The following FRAS1 variants were observed in gnomAD, a reference collection of about 807,000 sequenced individuals.
The protein encoded by FRAS1 is extracellular matrix organizing protein FRAS1.
FRAS1 carries 290 observed loss-of-function variants against 435.2 expected under a neutral mutation model. The observed-to-expected ratio is 0.67, with a 90% CI of 0.61 to 0.73. The LOEUF (loss-of-function observed/expected upper bound fraction) is 0.73. Among genes scored for constraint, FRAS1 ranks in the 30% least tolerant of loss-of-function variants. The pLI is 0.00. For synonymous variants in FRAS1, 1,800 were observed against 1,851.0 expected, an observed-to-expected ratio of 0.97 and a Z score of 0.71; for missense variants, 4,860 against 5,001.5, an observed-to-expected ratio of 0.97 and a Z score of 0.85.
At chr4:78,173,704 T>G (rs905189225) in intron 2 of FRAS1, among the ~76,000 whole-genome samples, 4 of 152,214 alleles carry the variant, frequency 2.6e-5, no homozygotes, top group African/African-American at 9.6e-5. Context: ...TGCATAAAGT[T>G]GGGGTTGTGT....
intron 14 of FRAS1, among the ~76,000 whole-genome samples, chr4:78,300,481 CT>C (rs1452002820): frequency 6.6e-6 from 1 of 152,042 alleles, no homozygotes; most frequent in Non-Finnish European, 1.5e-5. Context: ...AATAAGGAAA[CT>C]TTCCTTTGTC....
chr4:78,392,788 T>C (rs548160652), intron 29 of FRAS1, among the ~76,000 whole-genome samples: 22 of 151,818 alleles, frequency 1.4e-4, no homozygotes, highest in African/African-American at 5.3e-4. Flanking sequence ...ATATACATCA[T>C]GTACAGAAAA....
chr4:78,494,290 T>G (rs1320255995), intron 59 of FRAS1, among the ~76,000 whole-genome samples: 1 of 152,186 alleles, frequency 6.6e-6, no homozygotes, highest in African/African-American at 2.4e-5. Flanking sequence ...TATGTCTTAG[T>G]CGATTTGCAT....
chr4:78,478,231 T>C (rs1271950010), intron 55 of FRAS1, among the ~76,000 whole-genome samples, 170 bp downstream of exon 55: 4 of 152,214 alleles, frequency 2.6e-5, no homozygotes, highest in Non-Finnish European at 5.9e-5. Context: ...CTATCCATAG[T>C]GACTACCATC....
intron 1 of FRAS1, among the ~76,000 whole-genome samples, chr4:78,065,095 C>CATACAT (rs1739959228): frequency 8.8e-6 from 1 of 113,634 alleles, no homozygotes; most frequent in Non-Finnish European, 1.8e-5. Flanking sequence ...CATACACACA[C>CATACAT]ACACACTAAA....
chr4:78,153,475 T>C (rs1233111249), intron 2 of FRAS1, among the ~76,000 whole-genome samples: 1 of 152,226 alleles, frequency 6.6e-6, no homozygotes, highest in Non-Finnish European at 1.5e-5. Context: ...ATTTGATGGA[T>C]TCAGCATTGT....
intron 60 of FRAS1, among the ~76,000 whole-genome samples, chr4:78,498,466 A>G (rs891294509): frequency 6.6e-6 from 1 of 150,964 alleles, no homozygotes; most frequent in Non-Finnish European, 1.5e-5. Context: ...AGATCGTGCC[A>G]TTGCACTCTA....
At chr4:78,488,158 C>G (rs1240218307) in intron 58 of FRAS1, among the ~76,000 whole-genome samples, 1 of 152,194 alleles carries the variant, frequency 6.6e-6, no homozygotes, top group Non-Finnish European at 1.5e-5. Flanking sequence ...TCATCTATAG[C>G]AGTGGTCACA....
At chr4:78,157,017 GT>G (rs1720918639) in intron 2 of FRAS1, among the ~76,000 whole-genome samples, 1 of 152,170 alleles carries the variant, frequency 6.6e-6, no homozygotes, top group East Asian at 1.9e-4. Flanking sequence ...TGTTTGCTCT[GT>G]GGAAGTTTCT....
At chr4:78,341,513 A>G in intron 20 of FRAS1, among the ~76,000 whole-genome samples, 1 of 152,170 alleles carries the variant, frequency 6.6e-6, no homozygotes, top group East Asian at 1.9e-4. Flanking sequence ...TGCTGAGGGG[A>G]TAAAGAGAAG....
At chr4:78,124,573 G>T (rs772461402) in intron 2 of FRAS1, among the ~76,000 whole-genome samples, 1 of 152,166 alleles carries the variant, frequency 6.6e-6, no homozygotes, top group Non-Finnish European at 1.5e-5. Flanking sequence ...TGTACCTTTG[G>T]TAGAATTAGG....
chr4:78,268,764 T>G (rs1578217273), intron 9 of FRAS1, among the ~76,000 whole-genome samples: 1 of 152,196 alleles, frequency 6.6e-6, no homozygotes, highest in South Asian at 2.1e-4. Flanking sequence ...CTGTCGGCTG[T>G]GACACCTGGC....
chr4:78,519,646 A>G (rs890579327), intron 67 of FRAS1, among the ~76,000 whole-genome samples, 165 bp downstream of exon 67: 1 of 152,122 alleles, frequency 6.6e-6, no homozygotes, highest in African/African-American at 2.4e-5. Context: ...GAAAAGAATG[A>G]TGTCCTTCTG....
At chr4:78,156,210 AT>A (rs1720874818) in intron 2 of FRAS1, among the ~76,000 whole-genome samples, 2 of 152,166 alleles carry the variant, frequency 1.3e-5, no homozygotes, top group Non-Finnish European at 2.9e-5. Context: ...AACTATTGAA[AT>A]TCATGAAAGA....
At chr4:78,116,584 A>G (rs946359960) in intron 2 of FRAS1, among the ~76,000 whole-genome samples, 1 of 152,150 alleles carries the variant, frequency 6.6e-6, no homozygotes, top group Non-Finnish European at 1.5e-5. Context: ...CCATTACGTA[A>G]TGGCCTTCTT....
At chr4:78,386,162 TTTTA>T (rs1266230643) in intron 28 of FRAS1, among the ~76,000 whole-genome samples, 2 of 152,198 alleles carry the variant, frequency 1.3e-5, no homozygotes, top group East Asian at 1.9e-4. Context: ...GAACATTTAA[TTTTA>T]TTTATTATAT....
At chr4:78,424,786 AAAC>A (rs1361413263) in intron 35 of FRAS1, among the ~76,000 whole-genome samples, 2 of 152,052 alleles carry the variant, frequency 1.3e-5, no homozygotes, top group Non-Finnish European at 2.9e-5. Context: ...TAAAAAAAAA[AAAC>A]AACTTATCTG....
At chr4:78,210,028 G>C (rs1723437253) in intron 2 of FRAS1, among the ~76,000 whole-genome samples, 1 of 152,090 alleles carries the variant, frequency 6.6e-6, no homozygotes, top group Non-Finnish European at 1.5e-5. Context: ...CCTCTGCTGA[G>C]CTCCTTACCT....
At chr4:78,195,544 G>A (rs1026867867) in intron 2 of FRAS1, among the ~76,000 whole-genome samples, 1 of 152,206 alleles carries the variant, frequency 6.6e-6, no homozygotes, top group African/African-American at 2.4e-5. Context: ...AATGAGCAAG[G>A]CTCTGTGGGC....
Sources: gnomAD v4.1 joint callset for allele counts (sites outside exome capture counted in the v4.1 genomes callset) on GRCh38, gnomAD v4.1.1 for gene constraint, MANE v1.5 for transcripts, NCBI Gene and HGNC (gene_info 2026-07-23, HGNC 2026-07-21) for gene names.